The following UBE2E3 variants were observed in gnomAD, a reference collection of about 807,000 sequenced individuals.
UBE2E3 encodes ubiquitin conjugating enzyme E2 E3.
UBE2E3 carries 5 observed loss-of-function variants against 23.6 expected under a neutral mutation model. The ratio of observed to expected loss-of-function variants is 0.21; its 90% CI spans 0.11 to 0.44. The LOEUF is 0.44. Among genes scored for constraint, UBE2E3 ranks in the 20% least tolerant of loss-of-function variants. UBE2E3 has a pLI of 0.99. For missense variants in UBE2E3, 81 were observed against 249.8 expected (o/e 0.32, Z 4.55); for synonymous variants, 78 against 87.5 (o/e 0.89, Z 0.60).
intron 3 of UBE2E3, among the ~76,000 whole-genome samples, chr2:181,046,132 A>G (rs961076439): frequency 2.6e-5 from 4 of 152,188 alleles, no homozygotes; most frequent in Non-Finnish European, 4.4e-5. Flanking sequence ...AGAGTGAATC[A>G]GTAACACTGA....
chr2:180,995,696 T>C (rs2105583095), intron 3 of UBE2E3, among the ~76,000 whole-genome samples: 1 of 152,162 alleles, frequency 6.6e-6, no homozygotes, highest in African/African-American at 2.4e-5. Context: ...GTTTCTTGTA[T>C]GTTTGGGAGT....
At chr2:181,010,990 T>C (rs1685309812) in intron 3 of UBE2E3, among the ~76,000 whole-genome samples, 1 of 152,106 alleles carries the variant, frequency 6.6e-6, no homozygotes, top group Non-Finnish European at 1.5e-5. Context: ...CTTCGCATCA[T>C]ACAACAGCCA....
At chr2:181,050,189 C>T (rs1324009675) in intron 3 of UBE2E3, among the ~76,000 whole-genome samples, 1 of 151,898 alleles carries the variant, frequency 6.6e-6, no homozygotes, top group Non-Finnish European at 1.5e-5. Context: ...TCACTATTTC[C>T]TGAACAGTTA....
At chr2:180,982,690 G>T (rs1684339440) in intron 2 of UBE2E3, among the ~76,000 whole-genome samples, 1 of 152,152 alleles carries the variant, frequency 6.6e-6, no homozygotes, top group Admixed American at 6.5e-5. Flanking sequence ...TCAGGCCTTT[G>T]CTATATTTGA....
intron 3 of UBE2E3, among the ~76,000 whole-genome samples, chr2:181,046,511 T>C (rs1424954950): frequency 1.3e-5 from 2 of 152,152 alleles, no homozygotes; most frequent in Non-Finnish European, 2.9e-5. Flanking sequence ...AATCATAGCC[T>C]GTCTTAAAGG....
intron 3 of UBE2E3, among the ~76,000 whole-genome samples, chr2:181,044,013 C>A (rs1686597217): frequency 6.6e-6 from 1 of 151,926 alleles, no homozygotes; most frequent in African/African-American, 2.4e-5. Context: ...TGTTTTTTGT[C>A]CTAGGATAGC....
chr2:181,049,155 A>T (rs1686754743), intron 3 of UBE2E3, among the ~76,000 whole-genome samples: 1 of 152,116 alleles, frequency 6.6e-6, no homozygotes, highest in African/African-American at 2.4e-5. Flanking sequence ...GATCTGCTGG[A>T]CAGAGCAGCT....
At chr2:181,031,124 C>G (rs932320043) in intron 3 of UBE2E3, among the ~76,000 whole-genome samples, 9 of 152,030 alleles carry the variant, frequency 5.9e-5, no homozygotes, top group Non-Finnish European at 1.5e-5. Context: ...GCCTCTCATA[C>G]TATTTTTTTA....
chr2:181,023,525 C>G (rs1559125150), intron 3 of UBE2E3, among the ~76,000 whole-genome samples: 2 of 152,276 alleles, frequency 1.3e-5, no homozygotes, highest in South Asian at 4.1e-4. Context: ...CTTTGTGGCA[C>G]AAGAAGACAG....
At chr2:181,019,607 A>G (rs780169414) in intron 3 of UBE2E3, among the ~76,000 whole-genome samples, 9 of 152,284 alleles carry the variant, frequency 5.9e-5, no homozygotes, top group Non-Finnish European at 1.2e-4. Context: ...TCATTGGGGA[A>G]CACAATGTAC....
rs570159128 is a variant in UBE2E3 at position 181,015,298 on chromosome 2, A to G, written c.245+31205A>G. Among the ~76,000 whole-genome samples, 8 of 152,338 alleles carry G rather than the reference A, an allele frequency of 5.3e-5. No individual in the cohort carries two copies. The East Asian group carries it at 7.7e-4, about 15-fold the overall frequency. On this transcript the variant is annotated intron_variant, in intron 3 of 5. Transcript: ENST00000410062. ...TATAGTCACATTAGGACATTTTAAA[A>G]TGAGGGCTTTATCACATAGCTTATA...
chr2:180,983,988 G>A, intron 2 of UBE2E3, 55 bp from the exon 3 acceptor site: 2 of 1,466,946 alleles, frequency 1.4e-6, no homozygotes. Context: ...GTAATTCCCT[G>A]GTTATTCTGT....
intron 3 of UBE2E3, among the ~76,000 whole-genome samples, chr2:181,027,967 A>G (rs1487215433): frequency 1.3e-5 from 2 of 152,004 alleles, no homozygotes; most frequent in Non-Finnish European, 2.9e-5. Context: ...TAAAAACTAG[A>G]TGGTATCATT....
chr2:181,025,121 C>T (rs1474354438), intron 3 of UBE2E3, among the ~76,000 whole-genome samples: 2 of 151,790 alleles, frequency 1.3e-5, no homozygotes, highest in Non-Finnish European at 2.9e-5. Flanking sequence ...TAAAAAATAC[C>T]AAATAATTTA....
intron 3 of UBE2E3, among the ~76,000 whole-genome samples, chr2:181,014,462 G>T (rs1574182951): frequency 6.6e-6 from 1 of 152,152 alleles, no homozygotes; most frequent in African/African-American, 2.4e-5. Context: ...AAAAAGCTTT[G>T]AGAAGAGTTA....
At chr2:180,987,322 T>C (rs970824994) in intron 3 of UBE2E3, 1 of 1,549,288 alleles carries the variant, frequency 6.5e-7, no homozygotes. Flanking sequence ...ACATTTACTT[T>C]CCATCTGTTT....
At chr2:180,980,395 G>C (rs1023389061), upstream of UBE2E3, 4 of 151,602 alleles carry the variant, frequency 2.6e-5, no homozygotes, top group African/African-American at 9.7e-5. The surrounding 1 kb of genome is among the most constrained non-coding windows in gnomAD (Gnocchi z 5.5). Context: ...GCAGGGGCCA[G>C]CCCGCCGGGT....
At chr2:181,049,980 A>G (rs1011301529) in intron 3 of UBE2E3, among the ~76,000 whole-genome samples, 1 of 152,006 alleles carries the variant, frequency 6.6e-6, no homozygotes, top group African/African-American at 2.4e-5. Context: ...AATATATGAA[A>G]TGAAGACTAG....
intron 3 of UBE2E3, among the ~76,000 whole-genome samples, chr2:180,985,256 G>A (rs1243014907): frequency 6.6e-6 from 1 of 152,144 alleles, no homozygotes; most frequent in Non-Finnish European, 1.5e-5. Flanking sequence ...AGATCTCAAA[G>A]TATTACTTAA....
Sources: allele counts gnomAD v4.1 joint callset (sites outside exome capture counted in the v4.1 genomes callset), GRCh38; gene constraint gnomAD v4.1.1; non-coding constraint Gnocchi (gnomAD v3.1); transcripts MANE v1.5; gene names NCBI Gene and HGNC (gene_info 2026-07-23, HGNC 2026-07-21).